EFCAB11: variants seen among roughly 807,000 people sequenced by gnomAD.
EFCAB11 encodes EF-hand calcium-binding domain-containing protein 11.
In EFCAB11, 14 loss-of-function variants were observed where a neutral mutation model predicts 23.0. The observed-to-expected ratio is 0.61, with a 90% CI of 0.40 to 0.95. The LOEUF is 0.95. EFCAB11 is among the 40% of genes least tolerant of loss of function. EFCAB11 has a pLI of 0.00. For synonymous variants in EFCAB11, 65 were observed against 66.6 expected (o/e 0.98, Z 0.11); for missense variants, 198 against 195.8 (o/e 1.01, Z -0.07).
intron 5 of EFCAB11, among the ~76,000 whole-genome samples, chr14:89,822,079 GT>G (rs568855153): frequency 4.0e-5 from 6 of 151,774 alleles, no homozygotes; most frequent in Non-Finnish European, 5.9e-5. Context: ...ATAACTCGAG[GT>G]TTTTTTTATG....
chr14:89,811,686 T>C (rs2140089811), intron 5 of EFCAB11, among the ~76,000 whole-genome samples: 1 of 152,278 alleles, frequency 6.6e-6, no homozygotes, highest in Admixed American at 6.5e-5. Flanking sequence ...CTCTGGAAGC[T>C]GGAAACAGTA....
chr14:89,931,718 T>C, intron 4 of EFCAB11, 87 bp from the exon 5 acceptor site: 2 of 1,046,372 alleles, frequency 1.9e-6, no homozygotes, highest in South Asian at 2.9e-5. Flanking sequence ...CAAAACTTAT[T>C]TTAATATATT....
At position 89,821,366 on chromosome 14, in the gene EFCAB11, C is replaced by T. The variant is rs375553396; in HGVS notation, c.411-24042G>A. Among the ~76,000 whole-genome samples the T allele has an allele frequency of 7.2e-5, 11 of 152,270 alleles. No individual in the cohort carries two copies. In the East Asian group the frequency reaches 1.7e-3, roughly 24 times the overall value. On this transcript the variant is annotated intron_variant, in intron 5 of 5. Transcript: ENST00000316738. ...CCTATGAACTCTGGACTTGCCAGCC[C>T]CCACAATCCTGCAAGCCAGTTCCTT...
chr14:89,950,273 A>G (rs1272720274), intron 2 of EFCAB11, 131 bp from the exon 3 acceptor site: 1 of 873,296 alleles, frequency 1.1e-6, no homozygotes, highest in Non-Finnish European at 1.7e-6. Flanking sequence ...GCAGACAAGT[A>G]ATGATACACA....
At chr14:89,928,682 T>G (rs1281819749) in intron 5 of EFCAB11, among the ~76,000 whole-genome samples, 1 of 148,366 alleles carries the variant, frequency 6.7e-6, no homozygotes, top group Non-Finnish European at 1.5e-5. Flanking sequence ...TTATGTATGT[T>G]TATATATGTT....
rs936192708 is a variant in EFCAB11 at position 89,796,123 on chromosome 14, ATG to A, written c.*1118_*1119del. 1 of 152,336 alleles carries A rather than the reference ATG, an allele frequency of 6.6e-6. No homozygotes were observed. The highest frequency in any genetic ancestry group is 1.5e-5 in the Non-Finnish European group (1 of 68,140). The allele number at this position is 152,336 out of a possible 1,614,324, so 9.4% of individuals were successfully genotyped here. On this transcript the variant is annotated 3_prime_UTR_variant, in exon 6 of 6. Transcript: ENST00000316738. Reference sequence around the variant, plus strand: ...GACCATCCTAAAGGGTTCTGCAAACATGTCTCTTGCCCCCAGTACCCTCATCA... The same window carrying A: ...GACCATCCTAAAGGGTTCTGCAAACATCTCTTGCCCCCAGTACCCTCATCA...
chr14:89,842,988 C>G (rs976119486), intron 5 of EFCAB11, among the ~76,000 whole-genome samples: 26 of 152,118 alleles, frequency 1.7e-4, no homozygotes, highest in African/African-American at 6.0e-4. Flanking sequence ...CCCATATCAC[C>G]CTGCGCTTTT....
chr14:89,899,330 A>G (rs1325216106), intron 5 of EFCAB11, among the ~76,000 whole-genome samples: 1 of 152,258 alleles, frequency 6.6e-6, no homozygotes, highest in Non-Finnish European at 1.5e-5. Context: ...AAGATGAGCA[A>G]CTGTTCAAAG....
chr14:89,891,575 C>A (rs903078331), intron 5 of EFCAB11, among the ~76,000 whole-genome samples: 1 of 152,000 alleles, frequency 6.6e-6, no homozygotes, highest in Admixed American at 6.5e-5. Context: ...ATAGCAAAAT[C>A]TGTACCAAAT....
intron 3 of EFCAB11, among the ~76,000 whole-genome samples, chr14:89,945,912 A>G (rs1349915129): frequency 1.5e-5 from 2 of 135,696 alleles, no homozygotes; most frequent in Non-Finnish European, 3.2e-5. Context: ...TTATTAGGGG[A>G]TTTTTTTTTT....
chr14:89,801,041 G>GAA (rs1197084827), intron 5 of EFCAB11, among the ~76,000 whole-genome samples: 11 of 58,510 alleles, frequency 1.9e-4, no homozygotes, highest in Non-Finnish European at 3.0e-4. Context: ...CCTCAAAAAA[G>GAA]AAAAAAAAAA....
rs565464405 is a variant in EFCAB11 at position 89,871,560 on chromosome 14, A to C, written c.410+59981T>G. On this transcript the variant is annotated intron_variant, in intron 5 of 5. Coordinates refer to ENST00000316738, the MANE Select transcript of EFCAB11 (RefSeq NM_145231.4). ...TCCCCAACTCCTCCTTATAAACAGG[A>C]AATGAAGCATCTTTACAGTGATGCC... Among the ~76,000 whole-genome samples the C allele has an allele frequency of 2.6e-5, 4 of 152,304 alleles. No homozygotes were observed. The East Asian group carries it at 7.7e-4, about 29-fold the overall frequency.
intron 5 of EFCAB11, among the ~76,000 whole-genome samples, chr14:89,912,865 T>C (rs551419956): frequency 2.0e-5 from 3 of 152,326 alleles, no homozygotes; most frequent in South Asian, 2.1e-4. Context: ...GAATGTTTCA[T>C]AGTCACTCTG....
chr14:89,818,347 CATACTATGATTCAGTG>C (rs1886398331), intron 5 of EFCAB11, among the ~76,000 whole-genome samples: 1 of 151,830 alleles, frequency 6.6e-6, no homozygotes, highest in Admixed American at 6.6e-5. Flanking sequence ...CAGGGAACAA[CATACTATGATTCAGTG>C]ATAGTGTTTC....
At chr14:89,887,200 C>T (rs528690156) in intron 5 of EFCAB11, among the ~76,000 whole-genome samples, 2 of 152,282 alleles carry the variant, frequency 1.3e-5, no homozygotes, top group East Asian at 3.9e-4. Context: ...CTGAGATTTG[C>T]TAACTGCTAT....
intron 5 of EFCAB11, among the ~76,000 whole-genome samples, chr14:89,901,960 AAAAATCC>A (rs1323000323): frequency 6.6e-6 from 1 of 152,174 alleles, no homozygotes; most frequent in Non-Finnish European, 1.5e-5. Context: ...ATCTAAAAAA[AAAAATCC>A]AAAATCCAAA....
At chr14:89,808,280 C>T (rs978384782) in intron 5 of EFCAB11, among the ~76,000 whole-genome samples, 2 of 152,126 alleles carry the variant, frequency 1.3e-5, no homozygotes, top group African/African-American at 2.4e-5. Context: ...CTTATAATCA[C>T]CCTAGGGGCT....
intron 3 of EFCAB11, among the ~76,000 whole-genome samples, chr14:89,944,168 C>T (rs1381920376): frequency 6.6e-6 from 1 of 152,198 alleles, no homozygotes; most frequent in Non-Finnish European, 1.5e-5. Context: ...CTTACAGTTC[C>T]ACACGGCTGG....
chr14:89,921,394 G>A (rs1460310532), intron 5 of EFCAB11, among the ~76,000 whole-genome samples: 2 of 152,160 alleles, frequency 1.3e-5, no homozygotes, highest in Non-Finnish European at 2.9e-5. Flanking sequence ...AAAAGCTATT[G>A]AAGTTAGGAA....
Sources: allele counts gnomAD v4.1 joint callset (sites outside exome capture counted in the v4.1 genomes callset), GRCh38; gene constraint gnomAD v4.1.1; transcripts MANE v1.5; gene names NCBI Gene and HGNC (gene_info 2026-07-23, HGNC 2026-07-21).